Variants in CPNE8 observed in about 807,000 individuals in gnomAD.
CPNE8 encodes copine 8.
A neutral mutation model predicts 81.5 loss-of-function variants in CPNE8; 45 were observed. The observed-to-expected ratio is 0.55, with a 90% CI of 0.44 to 0.71. The LOEUF (loss-of-function observed/expected upper bound fraction) is 0.71. Ranked by LOEUF, CPNE8 falls within the 30% of genes least tolerant of loss-of-function variation. CPNE8 has a pLI of 0.00. For missense variants in CPNE8, 594 were observed against 672.1 expected, an observed-to-expected ratio of 0.88 and a Z score of 1.28; for synonymous variants, 252 against 226.3, an observed-to-expected ratio of 1.11 and a Z score of -1.02.
chr12:38,894,436 A>G (rs1387959879), intron 1 of CPNE8, among the ~76,000 whole-genome samples: 1 of 152,130 alleles, frequency 6.6e-6, no homozygotes, highest in East Asian at 1.9e-4. Flanking sequence ...AATGCCTACA[A>G]GAGGCTTTGG....
chr12:38,743,881 T>G (rs1592055346), intron 10 of CPNE8, among the ~76,000 whole-genome samples: 1 of 152,158 alleles, frequency 6.6e-6, no homozygotes, highest in African/African-American at 2.4e-5. Context: ...TGTATCTGAG[T>G]ATTTATCAAA....
At chr12:38,679,758 CTTAGCCTTTTATTTTAAAGTA>C (rs1939370651) in intron 16 of CPNE8, 3 of 890,794 alleles carry the variant, frequency 3.4e-6, no homozygotes, top group Non-Finnish European at 4.0e-6. Flanking sequence ...ATTTATTCTA[CTTAGCCTTTTATTTTAAAGTA>C]TTATCATTTC....
At chr12:38,874,566 T>C (rs1201168803) in intron 1 of CPNE8, 55 bp from the exon 2 acceptor site, 3 of 1,082,588 alleles carry the variant, frequency 2.8e-6, no homozygotes, top group Non-Finnish European at 4.2e-6. Flanking sequence ...TATTTATATT[T>C]ATATAGACAT....
chr12:38,805,477 C>A (rs1318337068), intron 6 of CPNE8, among the ~76,000 whole-genome samples: 23 of 95,294 alleles, frequency 2.4e-4, no homozygotes, highest in Non-Finnish European at 4.7e-4. Flanking sequence ...CACATGGACA[C>A]AGGAAGGGGA....
chr12:38,807,702 C>T (rs920178602), intron 6 of CPNE8, among the ~76,000 whole-genome samples: 6 of 151,022 alleles, frequency 4.0e-5, no homozygotes, highest in Non-Finnish European at 8.9e-5. Flanking sequence ...GCAAGGACTT[C>T]ATGTCTAAAA....
intron 6 of CPNE8, among the ~76,000 whole-genome samples, chr12:38,789,861 C>T (rs1011957748): frequency 2.0e-5 from 3 of 151,636 alleles, no homozygotes; most frequent in Non-Finnish European, 4.4e-5. Flanking sequence ...CTCAATATCA[C>T]CAATAGAGAA....
intron 6 of CPNE8, among the ~76,000 whole-genome samples, chr12:38,827,640 T>TA (rs1438642767): frequency 1.3e-5 from 2 of 152,122 alleles, no homozygotes; most frequent in African/African-American, 4.8e-5. Context: ...TATATAGACA[T>TA]AAAAAAGTCT....
At chr12:38,719,530 G>A (rs1019923056) in intron 13 of CPNE8, among the ~76,000 whole-genome samples, 2 of 150,946 alleles carry the variant, frequency 1.3e-5, no homozygotes, top group Non-Finnish European at 2.9e-5. Context: ...TTGAACCCAG[G>A]AGGCAGAGGT....
chr12:38,687,143 A>G (rs1478549798), intron 15 of CPNE8, among the ~76,000 whole-genome samples: 1 of 152,170 alleles, frequency 6.6e-6, no homozygotes, highest in East Asian at 1.9e-4. Flanking sequence ...TGAATTCTAT[A>G]TACCAAGTTT....
chr12:38,779,156 T>C (rs750805668), intron 6 of CPNE8, among the ~76,000 whole-genome samples: 4 of 152,162 alleles, frequency 2.6e-5, no homozygotes, highest in African/African-American at 4.8e-5. Context: ...GAACACACTT[T>C]ACAATGCTGA....
At chr12:38,880,534 C>T (rs1314789828) in intron 1 of CPNE8, among the ~76,000 whole-genome samples, 1 of 152,176 alleles carries the variant, frequency 6.6e-6, no homozygotes, top group Non-Finnish European at 1.5e-5. Flanking sequence ...AGAGTGACAG[C>T]ATCACTGAGC....
chr12:38,784,682 T>G (rs77106959), intron 6 of CPNE8, among the ~76,000 whole-genome samples: 5,125 of 152,222 alleles, frequency 0.034, 268 homozygotes, highest in East Asian at 0.19. Flanking sequence ...CAGCAGACTT[T>G]TCAGTGAAAT....
chr12:38,718,488 G>C (rs1231847954), intron 13 of CPNE8, among the ~76,000 whole-genome samples: 2 of 152,162 alleles, frequency 1.3e-5, no homozygotes, highest in Non-Finnish European at 2.9e-5. Flanking sequence ...GGTTTCACAG[G>C]TGAAAACTGA....
In CPNE8 at chr12:38,693,581, G is replaced by T. The variant is rs560423315; in HGVS notation, c.1143+76C>A. ...AAAGCTTGCTACTTGACTGACTAAAGAATAAGTACCAAAGCAATATTAAAA... is the reference window on the plus strand; with the variant it reads ...AAAGCTTGCTACTTGACTGACTAAATAATAAGTACCAAAGCAATATTAAAA... On this transcript the variant is annotated intron_variant, in intron 15 of 19. Coordinates refer to ENST00000331366, the MANE Select transcript of CPNE8 (RefSeq NM_153634.3). 3.1e-6 allele frequency: 4 copies of T among 1,293,244 alleles called. No homozygotes were observed. The East Asian group carries it at 7.2e-5, about 23-fold the overall frequency. 80.1% of individuals were successfully genotyped at this position (1,293,244 alleles called of 1,614,324 possible).
intron 6 of CPNE8, among the ~76,000 whole-genome samples, chr12:38,777,779 G>T (rs888430058): frequency 6.6e-6 from 1 of 152,154 alleles, no homozygotes; most frequent in Non-Finnish European, 1.5e-5. Flanking sequence ...TAGACCAGGG[G>T]TCTGCAACCC....
At chr12:38,854,353 T>G (rs1397011447) in intron 3 of CPNE8, among the ~76,000 whole-genome samples, 1 of 122,512 alleles carries the variant, frequency 8.2e-6, no homozygotes, top group African/African-American at 4.0e-5. Flanking sequence ...GAGGCATTTT[T>G]TTCACAATCC....
chr12:38,677,430 A>G, intron 17 of CPNE8, 22 bp downstream of exon 17: 1 of 1,331,968 alleles, frequency 7.5e-7, no homozygotes. Context: ...AGCGAGCCCA[A>G]TACGGAGTGA....
At chr12:38,696,404 T>C in intron 14 of CPNE8, among the ~76,000 whole-genome samples, 1 of 152,122 alleles carries the variant, frequency 6.6e-6, no homozygotes, top group Non-Finnish European at 1.5e-5. Flanking sequence ...ATTTAAAGTA[T>C]TGAGTCAACT....
intron 6 of CPNE8, among the ~76,000 whole-genome samples, chr12:38,817,181 T>C (rs560417102): frequency 6.6e-6 from 1 of 152,234 alleles, no homozygotes; most frequent in South Asian, 2.1e-4. Flanking sequence ...AATTATCAAA[T>C]AGAAAAAATG....
Sources: allele counts gnomAD v4.1 joint callset (sites outside exome capture counted in the v4.1 genomes callset), GRCh38; gene constraint gnomAD v4.1.1; transcripts MANE v1.5; gene names NCBI Gene and HGNC (gene_info 2026-07-23, HGNC 2026-07-21).